The following CTNNA3 variants were observed in gnomAD, a reference collection of about 807,000 sequenced individuals.
The protein encoded by CTNNA3 is catenin alpha 3.
CTNNA3 carries 76 observed loss-of-function variants against 95.7 expected under a neutral mutation model. That is an observed-to-expected ratio of 0.79 (90% CI 0.66 to 0.96). CTNNA3 has a LOEUF of 0.96. CTNNA3 is among the 40% of genes least tolerant of loss of function. The probability of loss-of-function intolerance (pLI) is 0.00; values close to 1 mark genes in which losing one functional copy is unlikely to be tolerated. For missense variants in CTNNA3, 1,191 were observed against 1,089.8 expected, an observed-to-expected ratio of 1.09 and a Z score of -1.31; for synonymous variants, 431 against 374.4, an observed-to-expected ratio of 1.15 and a Z score of -1.74.
intron 12 of CTNNA3, among the ~76,000 whole-genome samples, chr10:66,317,931 T>C (rs1440726852): frequency 6.6e-6 from 1 of 152,058 alleles, no homozygotes; most frequent in East Asian, 1.9e-4. Context: ...TTTTATTTTA[T>C]AGAGTCGGAT....
intron 10 of CTNNA3, among the ~76,000 whole-genome samples, chr10:66,557,178 CT>C (rs202222814): frequency 6.6e-6 from 1 of 151,884 alleles, no homozygotes; most frequent in South Asian, 2.1e-4. Flanking sequence ...GAACAACGTG[CT>C]TTATATGTGT....
intron 13 of CTNNA3, among the ~76,000 whole-genome samples, chr10:66,256,276 C>G (rs1254008958): frequency 6.6e-6 from 1 of 152,164 alleles, no homozygotes; most frequent in Non-Finnish European, 1.5e-5. Context: ...CCCTGCAGGC[C>G]AATCCATTCT....
At chr10:66,635,595 T>A (rs1472061557) in intron 9 of CTNNA3, among the ~76,000 whole-genome samples, 1 of 152,166 alleles carries the variant, frequency 6.6e-6, no homozygotes, top group Non-Finnish European at 1.5e-5. Flanking sequence ...TATTGCACTG[T>A]TCAAATGCTA....
At chr10:66,722,104 T>G (rs1179098932) in intron 9 of CTNNA3, among the ~76,000 whole-genome samples, 1 of 152,022 alleles carries the variant, frequency 6.6e-6, no homozygotes, top group Non-Finnish European at 1.5e-5. Flanking sequence ...AAAGGCCGGG[T>G]GCGGTGGCTC....
intron 5 of CTNNA3, among the ~76,000 whole-genome samples, chr10:67,272,580 C>T (rs1422919960): frequency 6.6e-6 from 1 of 151,942 alleles, no homozygotes; most frequent in South Asian, 2.1e-4. Context: ...AAATAAAATG[C>T]CCATTAAATA....
At chr10:67,118,171 A>C (rs1479859841) in intron 7 of CTNNA3, among the ~76,000 whole-genome samples, 1 of 152,064 alleles carries the variant, frequency 6.6e-6, no homozygotes, top group Non-Finnish European at 1.5e-5. Context: ...ATAAAGAATA[A>C]TGCAAAAGAA....
chr10:67,735,271 C>T (rs988710615), intron 1 of CTNNA3, among the ~76,000 whole-genome samples: 1 of 151,482 alleles, frequency 6.6e-6, no homozygotes, highest in African/African-American at 2.4e-5. Flanking sequence ...AGTATATGTG[C>T]AAAACAGGAA....
At chr10:66,799,332 G>A (rs1589267317) in intron 7 of CTNNA3, among the ~76,000 whole-genome samples, 1 of 151,476 alleles carries the variant, frequency 6.6e-6, no homozygotes, top group Admixed American at 6.6e-5. Flanking sequence ...CAAAAGAGCT[G>A]TAATTAATAT....
At chr10:65,934,854 G>C (rs149934927) in intron 17 of CTNNA3, among the ~76,000 whole-genome samples, 6 of 152,072 alleles carry the variant, frequency 3.9e-5, no homozygotes, top group Admixed American at 3.9e-4. Context: ...ATTGAGGACC[G>C]ATATAAGATG....
chr10:67,384,308 C>A (rs1844061594), intron 5 of CTNNA3, among the ~76,000 whole-genome samples: 1 of 152,100 alleles, frequency 6.6e-6, no homozygotes, highest in African/African-American at 2.4e-5. Flanking sequence ...ATTTACAATT[C>A]CAAAGGTATT....
intron 7 of CTNNA3, among the ~76,000 whole-genome samples, chr10:67,150,011 C>G (rs911132740): frequency 6.6e-6 from 1 of 152,118 alleles, no homozygotes; most frequent in Non-Finnish European, 1.5e-5. Context: ...AAAATCACTT[C>G]CCTAAATCAA....
chr10:66,094,450 T>C (rs2081318851), intron 14 of CTNNA3, among the ~76,000 whole-genome samples: 1 of 152,034 alleles, frequency 6.6e-6, no homozygotes, highest in Non-Finnish European at 1.5e-5. Context: ...AGCTTAAGTA[T>C]GGACAATGGA....
intron 11 of CTNNA3, among the ~76,000 whole-genome samples, chr10:66,495,111 T>C (rs1840057402): frequency 6.6e-6 from 1 of 152,290 alleles, no homozygotes; most frequent in Non-Finnish European, 1.5e-5. Context: ...CAGCCTCTAG[T>C]TAAATGTATC....
chr10:66,030,182 C>T (rs1451306463), intron 15 of CTNNA3, among the ~76,000 whole-genome samples: 1 of 152,056 alleles, frequency 6.6e-6, no homozygotes, highest in Non-Finnish European at 1.5e-5. Flanking sequence ...TCCTATTGAA[C>T]CACTAATGTC....
At chr10:66,625,088 C>T (rs555020515) in intron 9 of CTNNA3, among the ~76,000 whole-genome samples, 1 of 151,966 alleles carries the variant, frequency 6.6e-6, no homozygotes, top group Admixed American at 6.6e-5. Context: ...AAATAATTAC[C>T]AATATTGTAA....
At chr10:67,660,823 C>T (rs944484365) in intron 1 of CTNNA3, among the ~76,000 whole-genome samples, 4 of 151,092 alleles carry the variant, frequency 2.6e-5, no homozygotes, top group Non-Finnish European at 2.9e-5. Flanking sequence ...CCCAGCTATT[C>T]GAGAGGCTGA....
At chr10:66,388,209 T>C (rs2092908557) in intron 11 of CTNNA3, among the ~76,000 whole-genome samples, 1 of 152,126 alleles carries the variant, frequency 6.6e-6, no homozygotes, top group Admixed American at 6.6e-5. Flanking sequence ...CACTAAGGTG[T>C]TCAATTTTAT....
intron 2 of CTNNA3, among the ~76,000 whole-genome samples, chr10:67,612,563 G>C (rs1843495730): frequency 6.6e-6 from 1 of 152,158 alleles, no homozygotes; most frequent in Non-Finnish European, 1.5e-5. Flanking sequence ...GCAATAGGGT[G>C]AGAAGGCCAA....
At chr10:65,966,874 G>T in intron 16 of CTNNA3, 128 bp from the exon 17 acceptor site, 1 of 598,964 alleles carries the variant, frequency 1.7e-6, no homozygotes, top group East Asian at 2.9e-5. Context: ...ACAGGACCAA[G>T]TAGCTTCTGA....
Sources: gnomAD v4.1 joint callset for allele counts (sites outside exome capture counted in the v4.1 genomes callset) on GRCh38, gnomAD v4.1.1 for gene constraint, MANE v1.5 for transcripts, NCBI Gene and HGNC (gene_info 2026-07-23, HGNC 2026-07-21) for gene names.